ENTREP2: variants seen among roughly 807,000 people sequenced by gnomAD.
ENTREP2 encodes the protein endosomal transmembrane epsin interactor 2, also known as protein ENTREP2.
At chr15:29,436,191 C>T in the ENTREP2 span, among the ~76,000 whole-genome samples, 2 of 152,178 alleles carry the variant, frequency 1.3e-5, no homozygotes, top group African/African-American at 2.4e-5. Flanking sequence ...TTGTAAAACA[C>T]CTGACACTGA....
the ENTREP2 span, among the ~76,000 whole-genome samples, chr15:29,619,323 C>T: frequency 1.3e-5 from 2 of 152,110 alleles, no homozygotes; most frequent in Non-Finnish European, 2.9e-5. Flanking sequence ...ACCCAGGAGG[C>T]GGAGGTTGCA....
chr15:29,562,061 C>A, the ENTREP2 span, among the ~76,000 whole-genome samples: 1 of 152,208 alleles, frequency 6.6e-6, no homozygotes, highest in East Asian at 1.9e-4. Flanking sequence ...AATGCATGAG[C>A]CAAGTCTGCC....
At chr15:29,118,282 C>T in the ENTREP2 span, 6 of 152,490 alleles carry the variant, frequency 3.9e-5, no homozygotes, top group African/African-American at 1.4e-4. Context: ...AGACTTCGCG[C>T]ATATCACTAA....
At chr15:29,558,532 A>G in the ENTREP2 span, among the ~76,000 whole-genome samples, 3 of 150,284 alleles carry the variant, frequency 2.0e-5, no homozygotes, top group Admixed American at 1.3e-4. Context: ...ACCTCCCCTC[A>G]AACCCTTCAC....
At chr15:29,530,383 C>T in the ENTREP2 span, among the ~76,000 whole-genome samples, 2 of 152,162 alleles carry the variant, frequency 1.3e-5, no homozygotes, top group South Asian at 4.1e-4. Context: ...TTAACCTTTA[C>T]GTGTTAATGT....
the ENTREP2 span, among the ~76,000 whole-genome samples, chr15:29,552,646 G>C: frequency 6.6e-6 from 1 of 151,830 alleles, no homozygotes; most frequent in Non-Finnish European, 1.5e-5. Context: ...TAAAGAATTA[G>C]GACTTAAAAC....
chr15:29,145,389 G>A, the ENTREP2 span, among the ~76,000 whole-genome samples: 7 of 152,100 alleles, frequency 4.6e-5, no homozygotes, highest in Admixed American at 2.6e-4. Context: ...TTGGGAGGCC[G>A]AGGTGGGCAG....
At chr15:29,126,033 G>A in the ENTREP2 span, among the ~76,000 whole-genome samples, 2 of 152,142 alleles carry the variant, frequency 1.3e-5, no homozygotes, top group Admixed American at 1.3e-4. Flanking sequence ...CTGGGCCCCG[G>A]GCCCCTTGAA....
the ENTREP2 span, among the ~76,000 whole-genome samples, chr15:29,450,603 C>T: frequency 1.3e-5 from 2 of 152,166 alleles, no homozygotes; most frequent in Non-Finnish European, 2.9e-5. Flanking sequence ...GCCCAGCAAT[C>T]CTAGTACTGA....
the ENTREP2 span, among the ~76,000 whole-genome samples, chr15:29,276,534 T>C: frequency 6.6e-6 from 1 of 152,192 alleles, no homozygotes; most frequent in African/African-American, 2.4e-5. Context: ...TTCCAGGACA[T>C]TCAGACAGAT....
chr15:29,150,418 A>G, the ENTREP2 span, among the ~76,000 whole-genome samples: 1 of 152,236 alleles, frequency 6.6e-6, no homozygotes, highest in African/African-American at 2.4e-5. Flanking sequence ...AACTTTTAGC[A>G]TTTACATGCC....
At chr15:29,415,543 A>G in the ENTREP2 span, among the ~76,000 whole-genome samples, 3 of 152,152 alleles carry the variant, frequency 2.0e-5, no homozygotes, top group East Asian at 3.9e-4. Flanking sequence ...AGCCAATATC[A>G]TACTGAATGG....
chr15:29,376,420 T>C, the ENTREP2 span: 4 of 152,074 alleles, frequency 2.6e-5, no homozygotes, highest in African/African-American at 9.7e-5. Flanking sequence ...AGGAAGACAA[T>C]GATCTCAATC....
chr15:29,674,768 G>A, the ENTREP2 span, among the ~76,000 whole-genome samples: 2 of 149,970 alleles, frequency 1.3e-5, no homozygotes, highest in South Asian at 4.2e-4. Flanking sequence ...AGGGAGGAGA[G>A]GGAGGAGGGG....
chr15:29,187,542 C>T, the ENTREP2 span, among the ~76,000 whole-genome samples: 1 of 152,182 alleles, frequency 6.6e-6, no homozygotes, highest in Non-Finnish European at 1.5e-5. Context: ...TCCCAAAGTG[C>T]TGGGATTACA....
At chr15:29,465,884 A>G in the ENTREP2 span, among the ~76,000 whole-genome samples, 7 of 152,290 alleles carry the variant, frequency 4.6e-5, no homozygotes, top group East Asian at 1.2e-3. Flanking sequence ...TTCAGATTTG[A>G]TAAGGTCTCG....
the ENTREP2 span, among the ~76,000 whole-genome samples, chr15:29,218,265 T>C: frequency 6.6e-6 from 1 of 152,174 alleles, no homozygotes; most frequent in Non-Finnish European, 1.5e-5. Flanking sequence ...GCATTGGCTG[T>C]GGTGGGTGTG....
the ENTREP2 span, among the ~76,000 whole-genome samples, chr15:29,200,475 C>T: frequency 2.6e-5 from 4 of 152,076 alleles, no homozygotes; most frequent in African/African-American, 9.7e-5. Context: ...CACACCTCGT[C>T]TCCATATACA....
At chr15:29,358,975 C>T in the ENTREP2 span, among the ~76,000 whole-genome samples, 1 of 152,166 alleles carries the variant, frequency 6.6e-6, no homozygotes, top group African/African-American at 2.4e-5. Flanking sequence ...TAAAGGAAAG[C>T]AAGCCCAGTG....
Sources: gnomAD v4.1 joint callset for allele counts (sites outside exome capture counted in the v4.1 genomes callset) on GRCh38, gnomAD v4.1.1 for gene constraint, MANE v1.5 for transcripts, NCBI Gene and HGNC (gene_info 2026-07-23, HGNC 2026-07-21) for gene names.